The following SLC26A9 variants were observed in gnomAD, a reference collection of about 807,000 sequenced individuals.
The protein encoded by SLC26A9 is solute carrier family 26 member 9.
Under a neutral mutation model 87.1 loss-of-function variants are expected in SLC26A9, and 46 were observed. That is an observed-to-expected ratio of 0.53 (90% CI 0.42 to 0.67). The LOEUF is 0.67. SLC26A9 is among the 30% of genes least tolerant of loss of function. The pLI, the probability that SLC26A9 is intolerant of heterozygous loss-of-function variation, is 0.00. For missense variants in SLC26A9, 927 were observed against 1,018.3 expected, an observed-to-expected ratio of 0.91 and a Z score of 1.22; for synonymous variants, 437 against 409.1, an observed-to-expected ratio of 1.07 and a Z score of -0.82.
chr1:205,941,468 G>GC lies in SLC26A9; in HGVS notation c.-19+1896dup, dbSNP rs759918208. The stretch of plus-strand genomic sequence containing the variant: ...ATTACAGGCTGAGCCACTGCGCCCA[G>GC]CCCCCCAAGGCATTTTTAAACACTC... On this transcript the variant is annotated intron_variant, in intron 1 of 20. Transcript: ENST00000367135. 2.6e-5 allele frequency among the ~76,000 whole-genome samples: 4 copies of GC among 152,240 alleles called. No individual in the cohort carries two copies. The East Asian group carries it at 7.7e-4, about 29-fold the overall frequency.
At position 205,914,611 on chromosome 1, in the gene SLC26A9, G is replaced by A. The variant is rs1658495777; in HGVS notation, c.*746C>T. ...GGGAAGGGAGCAGCCTCTGAGGGCA[G>A]TGATGTTTCAGGAGGCTGAGGCAGA... On this transcript the variant is annotated 3_prime_UTR_variant, in exon 21 of 21. Coordinates refer to ENST00000367135, the MANE Select transcript of SLC26A9 (RefSeq NM_052934.4). 2.6e-6 allele frequency: 1 copy of A among 386,780 alleles called. No homozygotes were observed. The highest frequency in any genetic ancestry group is 4.7e-6 in the Non-Finnish European group (1 of 214,982). The allele number at this position is 386,780 out of a possible 1,614,324, so 24.0% of individuals were successfully genotyped here. A position where few individuals can be genotyped will look rare whatever the true frequency, so the allele number is the denominator to read the frequency against.
intron 11 of SLC26A9, among the ~76,000 whole-genome samples, chr1:205,926,983 G>A (rs1197355886): frequency 6.6e-6 from 1 of 152,212 alleles, no homozygotes; most frequent in East Asian, 1.9e-4. Flanking sequence ...GACCAGCCCT[G>A]CGCTGTAAGC....
chr1:205,931,469 T>TTTTTTTTTTTTTTTTTTTTTG (rs1659303482), intron 5 of SLC26A9, among the ~76,000 whole-genome samples: 3 of 46,010 alleles, frequency 6.5e-5, no homozygotes, highest in African/African-American at 1.7e-4. Flanking sequence ...AACTTGGTTT[T>TTTTTTTTTTTTTTTTTTTTTG]TTTTTTTTTT....
chr1:205,925,295 C>T lies in SLC26A9; in HGVS notation c.1390-806G>A, dbSNP rs187608882. ...CAGGAGCTCAGCAGTGCTTTCTGAT[C>T]GGCTGGGGGCCTGGTTTTGTGTGTG... On this transcript the variant is annotated intron_variant, in intron 12 of 20. Transcript: ENST00000367135. 5.1e-3 allele frequency among the ~76,000 whole-genome samples: 779 copies of T among 152,238 alleles called. 10 individuals are homozygous for T. Among genetic ancestry groups the T allele is most frequent in the Admixed American group, 0.02 (312 of 15,290 alleles).
intron 18 of SLC26A9, 83 bp downstream of exon 18, chr1:205,920,093 C>T (rs1658762657): frequency 2.0e-6 from 3 of 1,529,498 alleles, no homozygotes; most frequent in African/African-American, 1.4e-5. Context: ...TTCCAACCTC[C>T]TCACTATTCA....
In SLC26A9 at chr1:205,914,911, A is replaced by G. The variant is rs16856448; in HGVS notation, c.*446T>C. 6,021 of 1,613,124 alleles carry G rather than the reference A, an allele frequency of 3.7e-3. 135 individuals carry two copies. In the African/African-American group the frequency reaches 0.057, roughly 15 times the overall value. ...TTATCCCTATGTCCGTGACAGCCTG[A>G]CACCATCTGACACCGAGCCGTGTGG... On this transcript the variant is annotated 3_prime_UTR_variant, in exon 21 of 21. Transcript: ENST00000367135.
At chr1:205,927,011 G>C (rs1659098445) in intron 11 of SLC26A9, among the ~76,000 whole-genome samples, 200 bp downstream of exon 11, 1 of 152,224 alleles carries the variant, frequency 6.6e-6, no homozygotes, top group Admixed American at 6.5e-5. Context: ...CTATGGACAA[G>C]GTTACTTAGA....
chr1:205,939,861 C>T (rs1446637813), intron 1 of SLC26A9, among the ~76,000 whole-genome samples: 1 of 152,198 alleles, frequency 6.6e-6, no homozygotes, highest in South Asian at 2.1e-4. Context: ...ATGTCAGCAT[C>T]GCTGGAAAAA....
chr1:205,924,309 G>T, intron 13 of SLC26A9, 74 bp downstream of exon 13: 1 of 1,396,360 alleles, frequency 7.2e-7, no homozygotes, highest in Non-Finnish European at 1.0e-6. Context: ...AAGCCAGGCC[G>T]TGGCATGGAA....
chr1:205,936,432 T>C (rs1659511081), intron 1 of SLC26A9, among the ~76,000 whole-genome samples: 1 of 152,172 alleles, frequency 6.6e-6, no homozygotes, highest in Admixed American at 6.5e-5. Context: ...ATGGTCCACC[T>C]GCCGGCTCTC....
intron 16 of SLC26A9, among the ~76,000 whole-genome samples, chr1:205,922,119 A>G (rs1030573644): frequency 2.0e-5 from 3 of 152,180 alleles, no homozygotes; most frequent in African/African-American, 7.2e-5. Context: ...CTCTGGGAGA[A>G]AGCCCCTCCG....
At position 205,932,973 on chromosome 1, in the gene SLC26A9, G is replaced by C; in HGVS notation, c.237C>G (p.Leu79=). The C allele has an allele frequency of 6.2e-7, 1 of 1,614,106 alleles. No individual in the cohort carries two copies. The highest frequency in any genetic ancestry group is 2.2e-5 in the East Asian group (1 of 44,872). The change falls in exon 3 of 21, where the codon CTC becomes CTG. Residue 79 remains leucine (L), a synonymous_variant. Coordinates refer to ENST00000367135, the MANE Select transcript of SLC26A9 (RefSeq NM_052934.4). Reference sequence around the variant, plus strand: ...GTGGGACCTGGATGGATCCCCCGCTGAGTCCACCGAGCAGGTCAGGAATGA... The same window carrying C: ...GTGGGACCTGGATGGATCCCCCGCTCAGTCCACCGAGCAGGTCAGGAATGA... ...DYIIPDLLGG[L]SGGSIQVPQG...
At chr1:205,942,336 G>A (rs1314987623) in intron 1 of SLC26A9, among the ~76,000 whole-genome samples, 1 of 152,158 alleles carries the variant, frequency 6.6e-6, no homozygotes, top group African/African-American at 2.4e-5. Context: ...TGGATGCCAG[G>A]GCCAGGATGA....
At chr1:205,932,879 G>A (rs1401165874) in intron 3 of SLC26A9, 66 bp downstream of exon 3, 16 of 1,605,754 alleles carry the variant, frequency 1.0e-5, no homozygotes, top group Non-Finnish European at 1.3e-5. Flanking sequence ...GAGGGATGGA[G>A]TGGGGATGAG....
intron 20 of SLC26A9, 137 bp from the exon 21 acceptor site, chr1:205,915,541 T>TGTGTG: frequency 8.6e-7 from 1 of 1,166,058 alleles, no homozygotes; most frequent in South Asian, 1.4e-5. Flanking sequence ...TGTGTGTGTG[T>TGTGTG]GTGTGTGCGA....
chr1:205,936,630 G>A (rs1659520605), intron 1 of SLC26A9, among the ~76,000 whole-genome samples: 1 of 152,068 alleles, frequency 6.6e-6, no homozygotes, highest in Non-Finnish European at 1.5e-5. Context: ...CAATTACTGG[G>A]TCTCCCACCA....
In SLC26A9 at chr1:205,933,065, T is replaced by C. The variant is rs1659372071; in HGVS notation, c.145A>G (p.Lys49Glu). 2 of 1,614,080 alleles carry C rather than the reference T, an allele frequency of 1.2e-6. No homozygotes were observed. The highest frequency in any genetic ancestry group is 8.5e-7 in the Non-Finnish European group (1 of 1,180,032). ...NAFRCSSAKI[K>E]AVVFGLLPVL... Reference sequence around the variant, plus strand: ...GGCAGCAGCCCAAACACCACAGCTTTGATCTTGGCTGAGGAACATCTGGAA... The same window carrying C: ...GGCAGCAGCCCAAACACCACAGCTTCGATCTTGGCTGAGGAACATCTGGAA... Residue 49 changes from lysine (K) to glutamate (E), a missense_variant, in exon 3 of 21, where the codon AAA becomes GAA. Lys to Glu is a moderately conservative substitution (Grantham distance 56). Coordinates refer to ENST00000367135, the MANE Select transcript of SLC26A9 (RefSeq NM_052934.4).
rs960935963 is a variant in SLC26A9 at position 205,915,278 on chromosome 1, C to A, written c.*79G>T. On this transcript the variant is annotated 3_prime_UTR_variant, in exon 21 of 21. Transcript: ENST00000367135. Reference sequence around the variant, plus strand: ...ATGCACTTTCCTCCGCCCGACACCCCCTGTGACCCCAGGCTCATCCTTTAT... The same window carrying A: ...ATGCACTTTCCTCCGCCCGACACCCACTGTGACCCCAGGCTCATCCTTTAT... The A allele has an allele frequency of 6.2e-6, 10 of 1,605,912 alleles. No individual in the cohort carries two copies. The Admixed American group carries it at 1.3e-4, about 22-fold the overall frequency.
chr1:205,915,351 G>A lies in SLC26A9; in HGVS notation c.*6C>T, dbSNP rs1190993329. ...TCTGTAGGCAGCATGAGGACTGGCT[G>A]AGCCCTCACAGGGCGGTCAGGGTCT... On this transcript the variant is annotated 3_prime_UTR_variant, in exon 21 of 21. Coordinates refer to ENST00000367135, the MANE Select transcript of SLC26A9 (RefSeq NM_052934.4). 3 of 1,614,138 alleles carry A rather than the reference G, an allele frequency of 1.9e-6. No individual in the cohort carries two copies. The highest frequency in any genetic ancestry group is 2.5e-6 in the Non-Finnish European group (3 of 1,180,010).
Sources: gnomAD v4.1 joint callset for allele counts (sites outside exome capture counted in the v4.1 genomes callset) on GRCh38, gnomAD v4.1.1 for gene constraint, MANE v1.5 for transcripts, NCBI Gene and HGNC (gene_info 2026-07-23, HGNC 2026-07-21) for gene names.